The following BTC variants were observed in gnomAD, a reference collection of about 807,000 sequenced individuals.
The protein encoded by BTC is betacellulin, also known as probetacellulin.
Under a neutral mutation model 18.1 loss-of-function variants are expected in BTC, and 13 were observed. That is an observed-to-expected ratio of 0.72 (90% CI 0.47 to 1.14). The LOEUF (loss-of-function observed/expected upper bound fraction) is 1.14. BTC is among the 50% of genes most tolerant of loss of function. The probability of loss-of-function intolerance (pLI) is 0.00; values close to 1 mark genes in which losing one functional copy is unlikely to be tolerated. For synonymous variants in BTC, 83 were observed against 79.4 expected (o/e 1.05, Z -0.24); for missense variants, 247 against 224.2 (o/e 1.10, Z -0.65).
Position 74,748,037 on chromosome 4 carries a change from T to A in BTC, c.*1+3A>T, listed in dbSNP as rs1553955634. On this transcript the variant is annotated splice_donor_region_variant and intron_variant, in intron 5 of 5. Coordinates refer to ENST00000395743, the MANE Select transcript of BTC (RefSeq NM_001729.4). ...TTTCTATCAGCAAGTTTATCTCACT[T>A]ACTTTAAGCAATATTTGTCTCTTCA... is the stretch of plus-strand genomic sequence containing the variant. The A allele has an allele frequency of 6.4e-7, 1 of 1,552,696 alleles. No homozygotes were observed. Among genetic ancestry groups the A allele is most frequent in the Non-Finnish European group, 8.8e-7 (1 of 1,133,464 alleles).
At chr4:74,792,003 A>ACG (rs777737688) in intron 1 of BTC, among the ~76,000 whole-genome samples, 2 of 142,288 alleles carry the variant, frequency 1.4e-5, no homozygotes, top group East Asian at 3.9e-4. Context: ...ACACACACAC[A>ACG]CACAAACACT....
At chr4:74,750,413 A>G (rs1374069042) in intron 4 of BTC, among the ~76,000 whole-genome samples, 160 bp downstream of exon 4, 1 of 152,200 alleles carries the variant, frequency 6.6e-6, no homozygotes, top group African/African-American at 2.4e-5. Context: ...TATGTGTTTT[A>G]TTATGAATAC....
intron 4 of BTC, among the ~76,000 whole-genome samples, chr4:74,749,659 G>C (rs1006788271): frequency 7.8e-6 from 1 of 128,026 alleles, no homozygotes; most frequent in Non-Finnish European, 1.6e-5. Context: ...AAGACAAAAA[G>C]ATACCACTTT....
intron 2 of BTC, among the ~76,000 whole-genome samples, chr4:74,759,258 T>C (rs1425908403): frequency 6.6e-5 from 10 of 150,954 alleles, no homozygotes; most frequent in Non-Finnish European, 1.5e-4. Context: ...TGGTCCTAAG[T>C]GTCGTATTTC....
rs144590241 is a variant in BTC, at chr4:74,785,528, A to C, written c.64+8734T>G. On this transcript the variant is annotated intron_variant, in intron 1 of 5. Transcript: ENST00000395743. ...GCTGAAATGTTAGGTTGTTAACTTG[A>C]GATCTTTCTAGATTTTTGATGTGTC... Among the ~76,000 whole-genome samples, 1,344 of 152,202 alleles carry C rather than the reference A, an allele frequency of 8.8e-3. 20 individuals carry two copies. The highest frequency in any genetic ancestry group is 0.031 in the African/African-American group (1,283 of 41,544).
rs74449811 is a variant in BTC, at chr4:74,754,266, G to A, written c.281+1593C>T. Among the ~76,000 whole-genome samples the A allele has an allele frequency of 2.4e-3, 367 of 152,300 alleles. 4 individuals are homozygous for A. The East Asian group carries it at 0.059, about 25-fold the overall frequency. On this transcript the variant is annotated intron_variant, in intron 3 of 5. Coordinates refer to ENST00000395743, the MANE Select transcript of BTC (RefSeq NM_001729.4). ...TGTAATAGGGGCACTATTTGTTCAA[G>A]CATCAGTCATTTCTTGTGCACCTAG...
At chr4:74,793,776 A>G (rs1409193263) in intron 1 of BTC, among the ~76,000 whole-genome samples, 1 of 152,008 alleles carries the variant, frequency 6.6e-6, no homozygotes, top group Non-Finnish European at 1.5e-5. Flanking sequence ...CCAGGTGATC[A>G]CACCTTCAGT....
chr4:74,788,927 C>T lies in BTC; in HGVS notation c.64+5335G>A, dbSNP rs370957076. 9.9e-5 allele frequency among the ~76,000 whole-genome samples: 15 copies of T among 152,128 alleles called. No homozygotes were observed. In the East Asian group the frequency reaches 1.2e-3, roughly 12 times the overall value. ...TAGGATACTGAGTTCTGGGAGAAAG[C>T]GATTCTTACATTTTCATTATCAAAG... On this transcript the variant is annotated intron_variant, in intron 1 of 5. Transcript: ENST00000395743.
At chr4:74,753,557 C>T (rs1300294516) in intron 3 of BTC, among the ~76,000 whole-genome samples, 5 of 152,288 alleles carry the variant, frequency 3.3e-5, no homozygotes, top group African/African-American at 1.2e-4. Context: ...TTATTTGAAA[C>T]ACACTTTGGT....
intron 4 of BTC, 125 bp from the exon 5 acceptor site, chr4:74,748,274 C>A (rs766852907): frequency 1.8e-6 from 1 of 549,568 alleles, no homozygotes; most frequent in South Asian, 2.6e-5. Flanking sequence ...CTAGGCCGGG[C>A]GCAGTGGCTC....
At chr4:74,754,965 A>ACACACACT (rs1426793450) in intron 3 of BTC, among the ~76,000 whole-genome samples, 3 of 145,340 alleles carry the variant, frequency 2.1e-5, no homozygotes, top group Non-Finnish European at 4.6e-5. Flanking sequence ...ACACACACAC[A>ACACACACT]CTCACACACA....
intron 1 of BTC, among the ~76,000 whole-genome samples, chr4:74,788,158 T>G (rs10518128): frequency 0.18 from 27,012 of 152,168 alleles, 3,957 homozygotes; most frequent in African/African-American, 0.41. Context: ...ACTGTATCAA[T>G]AATTCAGGAT....
At chr4:74,790,653 C>T (rs73825053) in intron 1 of BTC, among the ~76,000 whole-genome samples, 4,910 of 152,290 alleles carry the variant, frequency 0.032, 248 homozygotes, top group African/African-American at 0.11. Context: ...GGAGAATATA[C>T]AGGAGTCACC....
intron 1 of BTC, among the ~76,000 whole-genome samples, chr4:74,787,556 C>T (rs1054892156): frequency 2.0e-5 from 3 of 152,114 alleles, no homozygotes; most frequent in Non-Finnish European, 4.4e-5. Context: ...AATCCAATTG[C>T]TTTCCTCTTA....
intron 5 of BTC, among the ~76,000 whole-genome samples, chr4:74,747,000 C>A (rs1724309344): frequency 6.6e-6 from 1 of 152,164 alleles, no homozygotes; most frequent in African/African-American, 2.4e-5. Context: ...TGAAAGCCAA[C>A]TCAGAATAGT....
chr4:74,778,653 C>G (rs1725239156), intron 1 of BTC, among the ~76,000 whole-genome samples: 1 of 152,162 alleles, frequency 6.6e-6, no homozygotes, highest in Admixed American at 6.6e-5. Context: ...CAGACCCAAT[C>G]ACTTTCATCA....
rs78882254 is a variant in BTC, at chr4:74,790,257, C to T, written c.64+4005G>A. Among the ~76,000 whole-genome samples the T allele has an allele frequency of 8.9e-3, 1,348 of 152,278 alleles. 20 individuals are homozygous for T. Among genetic ancestry groups the T allele is most frequent in the African/African-American group, 0.031 (1,285 of 41,538 alleles). ...CAATGAATGATTTGTCCTGTGCTTT[C>T]CTACTGTCTATTATAATAACTCATG... On this transcript the variant is annotated intron_variant, in intron 1 of 5. Coordinates refer to ENST00000395743, the MANE Select transcript of BTC (RefSeq NM_001729.4).
intron 5 of BTC, among the ~76,000 whole-genome samples, chr4:74,747,252 A>C (rs1229418100): frequency 4.6e-5 from 7 of 152,176 alleles, no homozygotes; most frequent in Admixed American, 4.6e-4. Flanking sequence ...GAGACTGGCC[A>C]CTTCAGATTC....
intron 1 of BTC, among the ~76,000 whole-genome samples, chr4:74,777,858 T>A (rs1302683054): frequency 6.6e-6 from 1 of 152,140 alleles, no homozygotes; most frequent in Non-Finnish European, 1.5e-5. Context: ...CTCTAATTTT[T>A]AAAAAATAAA....
Sources: allele counts gnomAD v4.1 joint callset (sites outside exome capture counted in the v4.1 genomes callset), GRCh38; gene constraint gnomAD v4.1.1; transcripts MANE v1.5; gene names NCBI Gene and HGNC (gene_info 2026-07-23, HGNC 2026-07-21).